Variants in NECTIN1 observed in about 807,000 individuals in gnomAD.
NECTIN1 encodes the protein nectin cell adhesion molecule 1, also known as nectin-1.
A neutral mutation model predicts 48.0 loss-of-function variants in NECTIN1; 23 were observed. The observed-to-expected ratio is 0.48, with a 90% CI of 0.34 to 0.68. NECTIN1 has a LOEUF of 0.68. Ranked by LOEUF, NECTIN1 falls within the 30% of genes least tolerant of loss-of-function variation. The pLI is 0.01. For synonymous variants in NECTIN1, 270 were observed against 288.9 expected (o/e 0.93, Z 0.66); for missense variants, 591 against 709.9 (o/e 0.83, Z 1.90).
At chr11:119,679,498 C>A (rs1288108630) in intron 1 of NECTIN1, among the ~76,000 whole-genome samples, 2 of 152,134 alleles carry the variant, frequency 1.3e-5, no homozygotes, top group Admixed American at 6.5e-5. Flanking sequence ...TCCGCTGGCT[C>A]CCCATGGCCT....
chr11:119,677,075 G>A lies in NECTIN1; in HGVS notation c.851+27C>T, dbSNP rs1258698159. 1.3e-6 allele frequency: 2 copies of A among 1,588,612 alleles called. No individual in the cohort carries two copies. On this transcript the variant is annotated intron_variant, in intron 4 of 5. Coordinates refer to ENST00000264025, the MANE Select transcript of NECTIN1 (RefSeq NM_002855.5). This position sits in a 1 kb window ranked among gnomAD's most constrained non-coding sequence, Gnocchi z 5.4. The stretch of plus-strand genomic sequence containing the variant: ...GTGGTCCAGTCAGCTGTCTTCCAAG[G>A]TGACTGGTCAGCCCTGCAGCACTTA...
intron 5 of NECTIN1, among the ~76,000 whole-genome samples, chr11:119,666,613 C>A (rs941869695): frequency 6.6e-6 from 1 of 152,234 alleles, no homozygotes; most frequent in Non-Finnish European, 1.5e-5. Flanking sequence ...CACTAGGCTG[C>A]GGGTCTAGGG....
chr11:119,720,750 C>G (rs1865815016), intron 1 of NECTIN1, among the ~76,000 whole-genome samples: 1 of 152,206 alleles, frequency 6.6e-6, no homozygotes, highest in Admixed American at 6.5e-5. Context: ...AGAGAGAAGG[C>G]TGCCGGTCAG....
intron 1 of NECTIN1, among the ~76,000 whole-genome samples, chr11:119,699,585 T>C (rs1237202416): frequency 6.6e-6 from 1 of 152,164 alleles, no homozygotes; most frequent in Non-Finnish European, 1.5e-5. Context: ...ACAGGATGAC[T>C]GGAGGGCCCG....
chr11:119,662,785 G>A lies in NECTIN1; in HGVS notation c.*1962C>T. On this transcript the variant is annotated 3_prime_UTR_variant, in exon 6 of 6. Transcript: ENST00000264025. This position sits in a 1 kb window ranked among gnomAD's most constrained non-coding sequence, Gnocchi z 5.3. ...GCTCCTCCACCTCCCTCTGCCCTGTGGCTGGAAAGACTCCACAATTTTCTC... is the reference window on the plus strand; with the variant it reads ...GCTCCTCCACCTCCCTCTGCCCTGTAGCTGGAAAGACTCCACAATTTTCTC... The A allele has an allele frequency of 2.0e-6, 2 of 986,470 alleles. No individual in the cohort carries two copies. The highest frequency in any genetic ancestry group is 2.4e-6 in the Non-Finnish European group (2 of 830,500). The allele number at this position is 986,470 out of a possible 1,614,324, so 61.1% of individuals were successfully genotyped here.
intron 1 of NECTIN1, among the ~76,000 whole-genome samples, chr11:119,711,410 G>C (rs1865644271): frequency 6.6e-6 from 1 of 151,714 alleles, no homozygotes; most frequent in Non-Finnish European, 1.5e-5. Context: ...AAAAGGCATG[G>C]AGAAGGAAAC....
intron 1 of NECTIN1, among the ~76,000 whole-genome samples, chr11:119,700,427 T>C (rs1865431232): frequency 6.6e-6 from 1 of 152,210 alleles, no homozygotes; most frequent in South Asian, 2.1e-4. Context: ...ACTGTGTGGC[T>C]TTCTCTTTCC....
At chr11:119,646,117 G>C (rs76239725) in intron 5 of NECTIN1, among the ~76,000 whole-genome samples, 1 of 152,204 alleles carries the variant, frequency 6.6e-6, no homozygotes, top group African/African-American at 2.4e-5. Flanking sequence ...CCTTGTGTCT[G>C]TTCTGGTGGG....
downstream of NECTIN1, chr11:119,660,870 G>T (rs1169187701): frequency 1.1e-5 from 5 of 446,222 alleles, no homozygotes; most frequent in African/African-American, 8.6e-5. Flanking sequence ...CTGGAACCCT[G>T]GAACCTGGAC....
chr11:119,717,986 G>A (rs542691007), intron 1 of NECTIN1, among the ~76,000 whole-genome samples: 53 of 152,366 alleles, frequency 3.5e-4, no homozygotes, highest in Non-Finnish European at 4.6e-4. Flanking sequence ...TCAAGCTAAC[G>A]GAGCATGGAT....
intron 5 of NECTIN1, among the ~76,000 whole-genome samples, chr11:119,643,202 C>T (rs183050993): frequency 5.5e-4 from 84 of 152,216 alleles, no homozygotes; most frequent in African/African-American, 1.9e-3. Context: ...CCTGGAGGGT[C>T]GCACCCTGGT....
At chr11:119,686,445 T>A (rs1865155807) in intron 1 of NECTIN1, among the ~76,000 whole-genome samples, 1 of 152,196 alleles carries the variant, frequency 6.6e-6, no homozygotes, top group South Asian at 2.1e-4. Context: ...TACAGTCTCC[T>A]GCCTCCAGCT....
At chr11:119,690,462 A>C (rs1865234249) in intron 1 of NECTIN1, among the ~76,000 whole-genome samples, 1 of 152,210 alleles carries the variant, frequency 6.6e-6, no homozygotes, top group Non-Finnish European at 1.5e-5. Context: ...GGGGCCAGAA[A>C]AAAAAGGGGA....
At chr11:119,659,891 C>T (rs1864633740), downstream of NECTIN1, among the ~76,000 whole-genome samples, 1 of 152,226 alleles carries the variant, frequency 6.6e-6, no homozygotes, top group South Asian at 2.1e-4. Flanking sequence ...AACGGACAGC[C>T]TGGAAAACTG....
intron 1 of NECTIN1, among the ~76,000 whole-genome samples, chr11:119,695,777 A>G (rs1055544753): frequency 2.6e-5 from 4 of 152,182 alleles, no homozygotes; most frequent in African/African-American, 9.6e-5. Context: ...TCATGCCTCC[A>G]GTGGGAAGTG....
Position 119,677,459 on chromosome 11 carries a change from AC to A in NECTIN1, c.733+95del. On this transcript the variant is annotated intron_variant, in intron 3 of 5. Transcript: ENST00000264025. This position sits in a 1 kb window ranked among gnomAD's most constrained non-coding sequence, Gnocchi z 5.4. ...GGGAGACAGGAGGGGAGAAGAAAGC[AC>A]CCCCAGAAAGAGAAAGGGAGGAGAA... The A allele has an allele frequency of 7.2e-7, 1 of 1,391,096 alleles. No individual in the cohort carries two copies. 86.2% of individuals were successfully genotyped at this position (1,391,096 alleles called of 1,614,324 possible). A position where few individuals can be genotyped will look rare whatever the true frequency, so the allele number is the denominator to read the frequency against.
At chr11:119,638,204 T>C in exon 8 of NECTIN1, 3 of 1,614,062 alleles carry the variant, frequency 1.9e-6, no homozygotes, top group Non-Finnish European at 2.5e-6. Context: ...CTGCAAGTCC[T>C]CCTCTTCTTG....
chr11:119,656,176 A>G (rs1289453102), downstream of NECTIN1: 1 of 152,258 alleles, frequency 6.6e-6, no homozygotes. Context: ...GATTACAGGC[A>G]GGAGCCACCA....
chr11:119,681,235 G>A (rs1179953693), intron 1 of NECTIN1, among the ~76,000 whole-genome samples: 1 of 152,268 alleles, frequency 6.6e-6, no homozygotes, highest in Non-Finnish European at 1.5e-5. Flanking sequence ...CTGCCCAGTG[G>A]CTGAGATAAT....
Sources: gnomAD v4.1 joint callset for allele counts (sites outside exome capture counted in the v4.1 genomes callset) on GRCh38, gnomAD v4.1.1 for gene constraint, Gnocchi (gnomAD v3.1) non-coding constraint, MANE v1.5 for transcripts, NCBI Gene and HGNC (gene_info 2026-07-23, HGNC 2026-07-21) for gene names.